The following CDKAL1 variants were observed in gnomAD, a reference collection of about 807,000 sequenced individuals.
CDKAL1 encodes threonylcarbamoyladenosine tRNA methylthiotransferase.
A neutral mutation model predicts 68.2 loss-of-function variants in CDKAL1; 32 were observed. The ratio of observed to expected loss-of-function variants is 0.47; its 90% CI spans 0.35 to 0.63. The LOEUF (loss-of-function observed/expected upper bound fraction) is 0.63, where lower values mean the gene tolerates loss of function less well. CDKAL1 is among the 30% of genes least tolerant of loss of function. The pLI, the probability that CDKAL1 is intolerant of heterozygous loss-of-function variation, is 0.00. For missense variants in CDKAL1, 606 were observed against 696.7 expected (o/e 0.87, Z 1.47); for synonymous variants, 234 against 244.3 (o/e 0.96, Z 0.39).
intron 11 of CDKAL1, among the ~76,000 whole-genome samples, chr6:21,019,673 G>A (rs563717967): frequency 1.3e-5 from 2 of 152,192 alleles, no homozygotes; most frequent in Middle Eastern, 6.8e-3. Flanking sequence ...TGTCTTGTAT[G>A]GTGTGCATCA....
intron 9 of CDKAL1, among the ~76,000 whole-genome samples, chr6:20,869,255 A>G (rs149362781): frequency 3.3e-5 from 5 of 152,240 alleles, no homozygotes; most frequent in East Asian, 3.8e-4. Context: ...AACTGTCCCT[A>G]GTAACATTCA....
chr6:20,804,426 C>T (rs1286517281), intron 8 of CDKAL1, among the ~76,000 whole-genome samples: 1 of 152,186 alleles, frequency 6.6e-6, no homozygotes, highest in East Asian at 1.9e-4. Flanking sequence ...CAGAGCTAGT[C>T]AGTTGCTTTT....
chr6:20,863,684 T>C (rs1759762512), intron 9 of CDKAL1, among the ~76,000 whole-genome samples: 1 of 152,208 alleles, frequency 6.6e-6, no homozygotes, highest in Admixed American at 6.5e-5. Flanking sequence ...TTAAGGAGGA[T>C]AATATGGATT....
chr6:20,636,596 G>A (rs1767914579), intron 4 of CDKAL1, among the ~76,000 whole-genome samples: 1 of 152,138 alleles, frequency 6.6e-6, no homozygotes, highest in South Asian at 2.1e-4. Flanking sequence ...TCAAACCATG[G>A]GAGGGATGGA....
At position 20,949,460 on chromosome 6, in the gene CDKAL1, A is replaced by G. The variant is rs555530096; in HGVS notation, c.743-5959A>G. Among the ~76,000 whole-genome samples the G allele has an allele frequency of 7.9e-5, 12 of 152,150 alleles. No individual in the cohort carries two copies. In the South Asian group the frequency reaches 2.3e-3, roughly 29 times the overall value. The stretch of plus-strand genomic sequence containing the variant: ...TATGTGTGTTTATATGTATGTGTGT[A>G]TATTTATGTGTCTGTGTAGGAGGTG... On this transcript the variant is annotated intron_variant, in intron 9 of 15. Transcript: ENST00000274695.
chr6:21,019,558 G>A (rs181858064), intron 11 of CDKAL1, among the ~76,000 whole-genome samples: 20 of 152,210 alleles, frequency 1.3e-4, no homozygotes, highest in Non-Finnish European at 2.5e-4. Flanking sequence ...TAGTGGTGTC[G>A]TCTGTGATTA....
At chr6:21,065,676 C>T (rs183862261) in intron 12 of CDKAL1, among the ~76,000 whole-genome samples, 2 of 133,232 alleles carry the variant, frequency 1.5e-5, no homozygotes, top group African/African-American at 5.7e-5. Flanking sequence ...ATCTTTCTAC[C>T]TTTTTTTTTT....
At chr6:20,695,253 T>C (rs1256154218) in intron 5 of CDKAL1, among the ~76,000 whole-genome samples, 3 of 152,188 alleles carry the variant, frequency 2.0e-5, no homozygotes, top group Non-Finnish European at 4.4e-5. Flanking sequence ...ACTTTAGCGC[T>C]GATGGGAGTA....
chr6:20,845,543 G>T (rs1044599745), intron 8 of CDKAL1, among the ~76,000 whole-genome samples: 1 of 151,754 alleles, frequency 6.6e-6, no homozygotes, highest in Admixed American at 6.6e-5. Context: ...ATTTTTTCCT[G>T]ATTTCAAGGA....
At chr6:20,898,916 T>A (rs1260167136) in intron 9 of CDKAL1, among the ~76,000 whole-genome samples, 3 of 152,120 alleles carry the variant, frequency 2.0e-5, no homozygotes, top group Non-Finnish European at 4.4e-5. Flanking sequence ...AGAGGTATCT[T>A]GAGGATCACC....
intron 11 of CDKAL1, among the ~76,000 whole-genome samples, chr6:21,001,135 C>A (rs1403999309): frequency 6.6e-6 from 1 of 152,198 alleles, no homozygotes; most frequent in African/African-American, 2.4e-5. Flanking sequence ...GGGGATATGT[C>A]ATTTGTCTTG....
intron 11 of CDKAL1, among the ~76,000 whole-genome samples, chr6:21,026,620 C>T (rs1561971958): frequency 6.6e-6 from 1 of 152,092 alleles, no homozygotes; most frequent in Admixed American, 6.6e-5. Flanking sequence ...TACTGAGTCA[C>T]ATTCAGGAGG....
intron 5 of CDKAL1, among the ~76,000 whole-genome samples, chr6:20,687,513 A>G (rs1770680684): frequency 6.6e-6 from 1 of 152,072 alleles, no homozygotes; most frequent in South Asian, 2.1e-4. Flanking sequence ...TCTTTTATCA[A>G]TCTTTTTTTC....
intron 11 of CDKAL1, among the ~76,000 whole-genome samples, chr6:21,046,074 T>A (rs989489812): frequency 2.0e-5 from 3 of 152,216 alleles, no homozygotes; most frequent in Admixed American, 1.3e-4. Flanking sequence ...CACTGCCATG[T>A]CTGTAAACTG....
At chr6:20,573,739 C>T (rs1764801664) in intron 4 of CDKAL1, among the ~76,000 whole-genome samples, 1 of 151,998 alleles carries the variant, frequency 6.6e-6, no homozygotes, top group Non-Finnish European at 1.5e-5. Context: ...TGTCCTTTAC[C>T]CATACAGTGA....
chr6:20,539,987 C>A lies in CDKAL1; in HGVS notation c.-6+4593C>A, dbSNP rs979187170. Among the ~76,000 whole-genome samples, 1 of 151,694 alleles carries A rather than the reference C, an allele frequency of 6.6e-6. No individual in the cohort carries two copies. The highest frequency in any genetic ancestry group is 1.5e-5 in the Non-Finnish European group (1 of 67,984). On this transcript the variant is annotated intron_variant, in intron 2 of 15. Coordinates refer to ENST00000274695, the MANE Select transcript of CDKAL1 (RefSeq NM_017774.3). The surrounding 1 kb of genome is among the most constrained non-coding windows in gnomAD (Gnocchi z 4.3). ...TCTGAATATATTTTGAAGGTACAGC[C>A]AACAGGATGTTGTTGATTGATTGGA...
chr6:20,568,213 C>T (rs1234150976), intron 4 of CDKAL1, among the ~76,000 whole-genome samples: 1 of 151,946 alleles, frequency 6.6e-6, no homozygotes, highest in African/African-American at 2.4e-5. Flanking sequence ...GAGACGGAGT[C>T]TTGCCATTTT....
At chr6:20,765,145 C>CTTTTTT (rs573930548) in intron 7 of CDKAL1, among the ~76,000 whole-genome samples, 1 of 28,892 alleles carries the variant, frequency 3.5e-5, no homozygotes, top group Non-Finnish European at 5.8e-5. Flanking sequence ...TGGTTACATT[C>CTTTTTT]TTTTTTTTTT....
intron 13 of CDKAL1, among the ~76,000 whole-genome samples, chr6:21,114,617 C>T (rs1774311321): frequency 6.6e-6 from 1 of 151,938 alleles, no homozygotes; most frequent in African/African-American, 2.4e-5. Context: ...GCCTGTGTTT[C>T]CAGCTACTCG....
Sources: allele counts gnomAD v4.1 joint callset (sites outside exome capture counted in the v4.1 genomes callset), GRCh38; gene constraint gnomAD v4.1.1; non-coding constraint Gnocchi (gnomAD v3.1); transcripts MANE v1.5; gene names NCBI Gene and HGNC (gene_info 2026-07-23, HGNC 2026-07-21).